MCC: variants seen among roughly 807,000 people sequenced by gnomAD.
The protein encoded by MCC is colorectal mutant cancer protein.
Under a neutral mutation model 116.2 loss-of-function variants are expected in MCC, and 90 were observed. The ratio of observed to expected loss-of-function variants is 0.77; its 90% CI spans 0.65 to 0.92. The LOEUF (loss-of-function observed/expected upper bound fraction) is 0.92. MCC is among the 40% of genes least tolerant of loss of function. The pLI is 0.00. For missense variants in MCC, 1,516 were observed against 1,312.2 expected (o/e 1.16, Z -2.40); for synonymous variants, 578 against 510.5 (o/e 1.13, Z -1.78).
intron 8 of MCC, among the ~76,000 whole-genome samples, chr5:113,099,953 C>T (rs545288367): frequency 3.4e-4 from 52 of 152,310 alleles, no homozygotes; most frequent in African/African-American, 1.2e-3. Flanking sequence ...CAGTGATAAT[C>T]ATCGGGGAGT....
intron 1 of MCC, chr5:113,433,618 G>A (rs2150412114): frequency 1.6e-6 from 2 of 1,266,366 alleles, no homozygotes; most frequent in Non-Finnish European, 2.2e-6. Context: ...GAGAGAAGAA[G>A]CTGATGAAAA....
At chr5:113,401,657 G>A (rs1561553049) in intron 1 of MCC, among the ~76,000 whole-genome samples, 1 of 152,018 alleles carries the variant, frequency 6.6e-6, no homozygotes. Context: ...GAGAATAGAT[G>A]TTCCCAATGT....
intron 12 of MCC, among the ~76,000 whole-genome samples, chr5:113,069,431 T>C (rs1753868947): frequency 6.6e-6 from 1 of 152,256 alleles, no homozygotes; most frequent in Non-Finnish European, 1.5e-5. Context: ...GTGGAACATG[T>C]GTACAGCATC....
chr5:113,046,993 A>G (rs4235778), intron 16 of MCC, among the ~76,000 whole-genome samples: 148,809 of 152,154 alleles, frequency 0.98, 72,779 homozygotes, highest in East Asian at 1. Context: ...CCGGGCCATT[A>G]AACGTGCTGT....
chr5:113,129,227 A>C (rs917317105), intron 5 of MCC, among the ~76,000 whole-genome samples: 2 of 152,128 alleles, frequency 1.3e-5, no homozygotes, highest in African/African-American at 2.4e-5. Flanking sequence ...GGCTGAGGAC[A>C]AACTTGGTGG....
At chr5:113,458,021 T>C (rs982478926) in intron 1 of MCC, among the ~76,000 whole-genome samples, 2 of 152,012 alleles carry the variant, frequency 1.3e-5, no homozygotes. Context: ...AGCTCAGGGA[T>C]TGTAAACGCA....
intron 4 of MCC, among the ~76,000 whole-genome samples, chr5:113,146,601 G>C: frequency 6.6e-6 from 1 of 152,012 alleles, no homozygotes; most frequent in East Asian, 1.9e-4. Flanking sequence ...GTAAAACAGG[G>C]AATTCAAAGT....
At chr5:113,157,248 C>G (rs1760222409) in intron 3 of MCC, among the ~76,000 whole-genome samples, 1 of 152,218 alleles carries the variant, frequency 6.6e-6, no homozygotes, top group Admixed American at 6.5e-5. Flanking sequence ...GCACCATCTC[C>G]TCTGACCTTC....
intron 3 of MCC, among the ~76,000 whole-genome samples, chr5:113,223,710 G>C (rs1056054759): frequency 7.9e-5 from 12 of 152,328 alleles, no homozygotes; most frequent in African/African-American, 2.9e-4. Context: ...GATCTACAAA[G>C]AAGGGCAGAA....
chr5:113,127,362 T>A (rs118158456), intron 5 of MCC, among the ~76,000 whole-genome samples: 6,767 of 152,318 alleles, frequency 0.044, 247 homozygotes, highest in East Asian at 0.11. Flanking sequence ...TCTTGGTATA[T>A]ACCCAGTAAT....
Position 113,126,325 on chromosome 5 carries a change from G to C in MCC, c.885-3499C>G, listed in dbSNP as rs1196956633. 3.3e-5 allele frequency among the ~76,000 whole-genome samples: 5 copies of C among 152,280 alleles called. No homozygotes were observed. In the East Asian group the frequency reaches 9.6e-4, roughly 29 times the overall value. ...GGATTTTAAAGACTGTTTTAGCCAG[G>C]ACCACTACCTTTATTTTACAAACAA... On this transcript the variant is annotated intron_variant, in intron 5 of 18. Transcript: ENST00000408903.
chr5:113,127,745 CTTTG>C (rs1561380011), intron 5 of MCC, among the ~76,000 whole-genome samples: 1 of 152,034 alleles, frequency 6.6e-6, no homozygotes, highest in African/African-American at 2.4e-5. Context: ...CTGGAAAGAC[CTTTG>C]TTTGATGCAT....
intron 3 of MCC, among the ~76,000 whole-genome samples, chr5:113,188,876 T>G (rs1762023536): frequency 6.6e-6 from 1 of 152,170 alleles, no homozygotes; most frequent in South Asian, 2.1e-4. Context: ...CTTATCTAAC[T>G]ACAAAAACAG....
At chr5:113,035,910 A>G (rs556119023) in intron 17 of MCC, among the ~76,000 whole-genome samples, 83 of 152,182 alleles carry the variant, frequency 5.5e-4, no homozygotes, top group African/African-American at 1.8e-3. Flanking sequence ...CAGGCAGCAG[A>G]TAACAGCTGT....
intron 2 of MCC, among the ~76,000 whole-genome samples, chr5:113,381,370 G>A (rs1305514653): frequency 6.6e-6 from 1 of 152,186 alleles, no homozygotes; most frequent in Admixed American, 6.5e-5. Context: ...ACTGCATTAA[G>A]GTTGGAAGTC....
At chr5:113,028,186 G>A (rs1750700329) in intron 18 of MCC, among the ~76,000 whole-genome samples, 1 of 152,156 alleles carries the variant, frequency 6.6e-6, no homozygotes, top group African/African-American at 2.4e-5. Flanking sequence ...GTGAGGTCTT[G>A]AGCTTTTATT....
At chr5:113,470,029 G>C (rs551871180) in intron 1 of MCC, among the ~76,000 whole-genome samples, 1 of 152,092 alleles carries the variant, frequency 6.6e-6, no homozygotes, top group East Asian at 1.9e-4. Context: ...TTTTCCATTT[G>C]CTTGGTAGAT....
chr5:113,104,237 A>C lies in MCC; in HGVS notation c.1146T>G (p.Ile382Met). ...GCTCGCTGGCTGTGGTGAGCTGCTC[A>C]ATGTGCTTGTCCACCTCGGCCACGG... ...SLSVAEVDKH[I>M]EQLTTASEHC... Residue 382 changes from isoleucine (I) to methionine (M), a missense_variant, in exon 7 of 19, where the codon ATT becomes ATG. Coordinates refer to ENST00000408903, the MANE Select transcript of MCC (RefSeq NM_001085377.2). The C allele has an allele frequency of 6.2e-7, 1 of 1,614,080 alleles. No homozygotes were observed. The highest frequency in any genetic ancestry group is 8.5e-7 in the Non-Finnish European group (1 of 1,180,010).
intron 1 of MCC, among the ~76,000 whole-genome samples, chr5:113,404,295 C>G (rs551332459): frequency 6.6e-6 from 1 of 152,286 alleles, no homozygotes; most frequent in South Asian, 2.1e-4. Flanking sequence ...CCTTATTTCC[C>G]TCATCTATGA....
Sources: gnomAD v4.1 joint callset for allele counts (sites outside exome capture counted in the v4.1 genomes callset) on GRCh38, gnomAD v4.1.1 for gene constraint, MANE v1.5 for transcripts, NCBI Gene and HGNC (gene_info 2026-07-23, HGNC 2026-07-21) for gene names.